The following GRIP1 variants were observed in gnomAD, a reference collection of about 807,000 sequenced individuals.
GRIP1 encodes glutamate receptor interacting protein 1, also known as glutamate receptor-interacting protein 1.
GRIP1 carries 45 observed loss-of-function variants against 129.9 expected under a neutral mutation model. The ratio of observed to expected loss-of-function variants is 0.35; its 90% CI spans 0.27 to 0.44. The LOEUF is 0.44. Among genes scored for constraint, GRIP1 ranks in the 20% least tolerant of loss-of-function variants. The pLI, the probability that GRIP1 is intolerant of heterozygous loss-of-function variation, is 1.00. For synonymous variants in GRIP1, 530 were observed against 520.8 expected, an observed-to-expected ratio of 1.02 and a Z score of -0.24; for missense variants, 1,196 against 1,396.8, an observed-to-expected ratio of 0.86 and a Z score of 2.29.
chr12:66,733,040 G>A (rs1415673999), intron 1 of GRIP1, among the ~76,000 whole-genome samples: 1 of 152,076 alleles, frequency 6.6e-6, no homozygotes, highest in African/African-American at 2.4e-5. Context: ...TTTAAAAAGG[G>A]ATGGGTTCTT....
At chr12:66,599,148 C>T (rs2064175242) in intron 1 of GRIP1, among the ~76,000 whole-genome samples, 1 of 152,196 alleles carries the variant, frequency 6.6e-6, no homozygotes, top group African/African-American at 2.4e-5. Context: ...TCACCACCCC[C>T]AACCTCCACT....
intron 1 of GRIP1, among the ~76,000 whole-genome samples, chr12:66,793,956 C>T (rs2038621662): frequency 6.6e-6 from 1 of 152,130 alleles, no homozygotes; most frequent in African/African-American, 2.4e-5. Context: ...AAGCATAGGG[C>T]CTAGCATGCA....
chr12:66,438,755 C>G (rs1205143454), intron 13 of GRIP1, among the ~76,000 whole-genome samples: 1 of 152,114 alleles, frequency 6.6e-6, no homozygotes, highest in Non-Finnish European at 1.5e-5. Flanking sequence ...CTTGGCCTCC[C>G]AAAGTGCTGG....
intron 1 of GRIP1, among the ~76,000 whole-genome samples, chr12:66,787,682 G>C (rs1389561854): frequency 6.6e-6 from 1 of 152,086 alleles, no homozygotes; most frequent in African/African-American, 2.4e-5. Context: ...ATGAGCAACA[G>C]ACCCTCACCC....
intron 15 of GRIP1, among the ~76,000 whole-genome samples, chr12:66,415,733 GC>G (rs1183763947): frequency 6.6e-6 from 1 of 152,152 alleles, no homozygotes; most frequent in Admixed American, 6.6e-5. Context: ...AGAATACTAT[GC>G]AGCCATAAAA....
chr12:66,521,308 C>T (rs1306554259), intron 5 of GRIP1, among the ~76,000 whole-genome samples: 2 of 152,208 alleles, frequency 1.3e-5, no homozygotes, highest in Non-Finnish European at 2.9e-5. Flanking sequence ...AAAATGAAAG[C>T]TACTATTTAA....
At chr12:66,676,731 T>A (rs368880361) in intron 1 of GRIP1, among the ~76,000 whole-genome samples, 3 of 152,060 alleles carry the variant, frequency 2.0e-5, no homozygotes, top group Admixed American at 6.6e-5. Flanking sequence ...AGAAAGAAAC[T>A]TCAAGTGTAT....
At chr12:66,761,787 T>G (rs2037483851) in intron 1 of GRIP1, among the ~76,000 whole-genome samples, 2 of 152,158 alleles carry the variant, frequency 1.3e-5, no homozygotes, top group Admixed American at 1.3e-4. Context: ...ATCCTAGAGC[T>G]AGAAGAATCA....
upstream of GRIP1, among the ~76,000 whole-genome samples, chr12:66,805,966 TC>T (rs1287174313): frequency 7.2e-5 from 9 of 124,682 alleles, no homozygotes; most frequent in Non-Finnish European, 1.5e-4. Context: ...TCCTTAGGTT[TC>T]TTTTTTTTTT....
In GRIP1 at chr12:67,025,098, G is replaced by C. The variant is rs1016213147; in HGVS notation, c.58+43952C>G. Among the ~76,000 whole-genome samples the C allele has an allele frequency of 1.2e-4, 18 of 152,272 alleles. 1 individual carries two copies. Among genetic ancestry groups the C allele is most frequent in the Admixed American group, 6.5e-4 (10 of 15,286 alleles). Reference sequence around the variant, plus strand: ...CACACCCTGTAATACCAGCACTTTGGGGGGCCAAGGCAGGCAGATAACTTG... The same window carrying C: ...CACACCCTGTAATACCAGCACTTTGCGGGGCCAAGGCAGGCAGATAACTTG... On this transcript the variant is annotated intron_variant, in intron 1 of 1. Coordinates refer to the GRIP1 transcript ENST00000643019.
Position 66,594,642 on chromosome 12 carries a change from G to A in GRIP1, c.136+2205C>T, listed in dbSNP as rs540755134. Among the ~76,000 whole-genome samples the A allele has an allele frequency of 2.6e-5, 4 of 152,170 alleles. No homozygotes were observed. The East Asian group carries it at 7.7e-4, about 29-fold the overall frequency. Reference sequence around the variant, plus strand: ...GCTCTATATGGTCCAGCTTAGTCCAGGAGTGGTCAGGAGACCACTTCAGGA... The same window carrying A: ...GCTCTATATGGTCCAGCTTAGTCCAAGAGTGGTCAGGAGACCACTTCAGGA... On this transcript the variant is annotated intron_variant, in intron 2 of 24. Transcript: ENST00000359742.
intron 1 of GRIP1, among the ~76,000 whole-genome samples, chr12:66,693,450 C>T (rs1565971398): frequency 1.3e-5 from 2 of 152,098 alleles, no homozygotes; most frequent in African/African-American, 2.4e-5. Flanking sequence ...CTCCAGGTCA[C>T]CCCAGTCCCC....
chr12:66,478,525 T>C (rs543837026), intron 7 of GRIP1, among the ~76,000 whole-genome samples: 35 of 152,314 alleles, frequency 2.3e-4, no homozygotes, highest in African/African-American at 8.2e-4. Context: ...ATCCCATTAC[T>C]GGATATATAC....
chr12:66,721,181 T>C (rs1484662205), intron 1 of GRIP1, among the ~76,000 whole-genome samples: 1 of 152,220 alleles, frequency 6.6e-6, no homozygotes, highest in East Asian at 1.9e-4. Flanking sequence ...CAGTAATATT[T>C]TGAAAGGAAT....
At position 66,577,579 on chromosome 12, in the gene GRIP1, CTT is replaced by C. The variant is rs373412499; in HGVS notation, c.136+19266_136+19267del. Among the ~76,000 whole-genome samples the C allele has an allele frequency of 1.0e-3, 154 of 152,262 alleles. 1 individual carries two copies. Among genetic ancestry groups the C allele is most frequent in the African/African-American group, 3.5e-3 (146 of 41,546 alleles). Reference sequence around the variant, plus strand: ...CTAAGGCAGGTGATGAAAGGAGACTCTTTGATTTGACAAACATGGGTTGCACT... The same window carrying C: ...CTAAGGCAGGTGATGAAAGGAGACTCTGATTTGACAAACATGGGTTGCACT... On this transcript the variant is annotated intron_variant, in intron 2 of 24. Coordinates refer to ENST00000359742, the MANE Select transcript of GRIP1 (RefSeq NM_001366722.1).
chr12:66,871,601 T>A (rs1035159403), intron 1 of GRIP1, among the ~76,000 whole-genome samples: 43 of 152,244 alleles, frequency 2.8e-4, no homozygotes, highest in African/African-American at 1.0e-3. Flanking sequence ...CATCATCATC[T>A]TCTTCATCTT....
chr12:66,866,757 C>A (rs1052248690), intron 1 of GRIP1, among the ~76,000 whole-genome samples: 1 of 151,874 alleles, frequency 6.6e-6, no homozygotes, highest in Non-Finnish European at 1.5e-5. Context: ...TATATAGCCA[C>A]AAAAATTTAA....
chr12:66,912,111 T>G (rs1384039827), intron 1 of GRIP1, among the ~76,000 whole-genome samples: 1 of 152,214 alleles, frequency 6.6e-6, no homozygotes, highest in African/African-American at 2.4e-5. Context: ...AATGATCAGT[T>G]TAAATAATAT....
At chr12:66,514,534 A>G (rs1313658816) in intron 7 of GRIP1, among the ~76,000 whole-genome samples, 1 of 152,056 alleles carries the variant, frequency 6.6e-6, no homozygotes, top group Non-Finnish European at 1.5e-5. Flanking sequence ...AAGAAGAGAG[A>G]AAGAAAGGAA....
Sources: allele counts gnomAD v4.1 joint callset (sites outside exome capture counted in the v4.1 genomes callset), GRCh38; gene constraint gnomAD v4.1.1; transcripts MANE v1.5; gene names NCBI Gene and HGNC (gene_info 2026-07-23, HGNC 2026-07-21).